The following PLEKHH2 variants were observed in gnomAD, a reference collection of about 807,000 sequenced individuals.
PLEKHH2 encodes the protein pleckstrin homology, MyTH4 and FERM domain containing H2, also known as pleckstrin homology domain-containing family H member 2.
PLEKHH2 carries 129 observed loss-of-function variants against 187.9 expected under a neutral mutation model. That is an observed-to-expected ratio of 0.69 (90% CI 0.59 to 0.79). The LOEUF (loss-of-function observed/expected upper bound fraction) is 0.79, where lower values mean the gene tolerates loss of function less well. Ranked by LOEUF, PLEKHH2 falls within the 30% of genes least tolerant of loss-of-function variation. The probability of loss-of-function intolerance (pLI) is 0.00; values close to 1 mark genes in which losing one functional copy is unlikely to be tolerated. For missense variants in PLEKHH2, 2,076 were observed against 1,751.2 expected (o/e 1.19, Z -3.31); for synonymous variants, 686 against 605.6 (o/e 1.13, Z -1.95).
At chr2:43,678,616 A>G (rs1028146042) in intron 2 of PLEKHH2, among the ~76,000 whole-genome samples, 89 of 152,190 alleles carry the variant, frequency 5.8e-4, no homozygotes, top group Non-Finnish European at 9.7e-4. Context: ...AGGCTGAGGC[A>G]GGAGAATCAG....
At chr2:43,649,802 A>G (rs1217602654) in intron 2 of PLEKHH2, among the ~76,000 whole-genome samples, 1 of 152,216 alleles carries the variant, frequency 6.6e-6, no homozygotes, top group African/African-American at 2.4e-5. Context: ...GGGAAAAGTC[A>G]GGAAGAGAGA....
At chr2:43,754,045 G>A (rs1485853610) in intron 25 of PLEKHH2, among the ~76,000 whole-genome samples, 1 of 139,772 alleles carries the variant, frequency 7.2e-6, no homozygotes, top group Non-Finnish European at 1.6e-5. Flanking sequence ...GTGTAGAGCT[G>A]TGGGCTTGAA....
chr2:43,757,093 T>G, intron 25 of PLEKHH2, 26 bp from the exon 26 acceptor site: 2 of 1,525,196 alleles, frequency 1.3e-6, no homozygotes, highest in Non-Finnish European at 8.8e-7. Context: ...TTCAATATAT[T>G]TTCACTTTTG....
At position 43,697,246 on chromosome 2, in the gene PLEKHH2, T is replaced by C; in HGVS notation, c.578T>C (p.Phe193Ser). ...SEGQRLSSLT[F>S]GCFLSRARSP... ...GGCCAGCGCCTGAGCAGTTTGACCT[T>C]TGGGTGCTTTTTATCTCGAGCAAGG... The change falls in exon 7 of 30, where the codon TTT (phenylalanine) becomes TCT (serine). Residue 193 changes from phenylalanine (F) to serine (S), a missense_variant. Transcript: ENST00000282406. 1 of 1,613,904 alleles carries C rather than the reference T, an allele frequency of 6.2e-7. No individual in the cohort carries two copies. The highest frequency in any genetic ancestry group is 1.1e-5 in the South Asian group (1 of 91,036).
intron 24 of PLEKHH2, among the ~76,000 whole-genome samples, chr2:43,748,958 T>C (rs1671894544): frequency 6.6e-6 from 1 of 152,206 alleles, no homozygotes; most frequent in Non-Finnish European, 1.5e-5. Flanking sequence ...GTTTTCACCA[T>C]GTTGGCCAGG....
chr2:43,707,702 T>C (rs901014610), intron 11 of PLEKHH2, among the ~76,000 whole-genome samples, 157 bp downstream of exon 11: 1 of 152,198 alleles, frequency 6.6e-6, no homozygotes, highest in Non-Finnish European at 1.5e-5. Context: ...TTTATATTCC[T>C]AATTCTCTTC....
intron 14 of PLEKHH2, chr2:43,711,337 G>A: frequency 2.0e-6 from 2 of 985,366 alleles, no homozygotes; most frequent in Non-Finnish European, 2.4e-6. Context: ...GGAAAGCTTT[G>A]TCTTTGGGCA....
At chr2:43,709,078 C>T (rs984650464) in intron 11 of PLEKHH2, among the ~76,000 whole-genome samples, 2 of 152,158 alleles carry the variant, frequency 1.3e-5, no homozygotes, top group Non-Finnish European at 2.9e-5. Context: ...TGAAATGTGG[C>T]TTGCAACTCC....
intron 2 of PLEKHH2, among the ~76,000 whole-genome samples, chr2:43,657,717 A>ATG (rs1471302122): frequency 6.6e-6 from 1 of 152,192 alleles, no homozygotes; most frequent in African/African-American, 2.4e-5. Flanking sequence ...TAAGTTTCAC[A>ATG]TGTAGTGCAC....
intron 15 of PLEKHH2, among the ~76,000 whole-genome samples, chr2:43,716,551 C>T (rs7583354): frequency 0.049 from 7,481 of 152,178 alleles, 346 homozygotes; most frequent in African/African-American, 0.12. Flanking sequence ...GAATATTTTT[C>T]TCTAACATCT....
At chr2:43,651,145 T>TTTCATTCATTCA (rs71410195) in intron 2 of PLEKHH2, among the ~76,000 whole-genome samples, 1 of 151,458 alleles carries the variant, frequency 6.6e-6, no homozygotes, top group African/African-American at 2.4e-5. Flanking sequence ...GTTAAAATCT[T>TTTCATTCATTCA]TTCATTCATT....
intron 21 of PLEKHH2, among the ~76,000 whole-genome samples, chr2:43,742,525 G>T (rs1462319155): frequency 3.9e-5 from 6 of 152,140 alleles, no homozygotes; most frequent in African/African-American, 1.4e-4. Context: ...GATGAAGAAT[G>T]CTTTGTGGGG....
chr2:43,762,952 T>A (rs1318839269), intron 28 of PLEKHH2, among the ~76,000 whole-genome samples: 1 of 152,210 alleles, frequency 6.6e-6, no homozygotes, highest in Admixed American at 6.5e-5. Context: ...TTTTGTTTAA[T>A]CTGGTGAGCA....
intron 6 of PLEKHH2, among the ~76,000 whole-genome samples, 194 bp downstream of exon 6, chr2:43,695,418 G>C (rs1669037444): frequency 6.6e-6 from 1 of 152,210 alleles, no homozygotes; most frequent in African/African-American, 2.4e-5. Context: ...AGGCAAAAAA[G>C]AGATGGAATT....
intron 1 of PLEKHH2, among the ~76,000 whole-genome samples, chr2:43,640,899 C>T (rs1193263457): frequency 6.6e-6 from 1 of 151,518 alleles, no homozygotes; most frequent in African/African-American, 2.4e-5. Context: ...ATCTTCCTGC[C>T]TCAACCCCCA....
chr2:43,706,224 T>A (rs1039942622), intron 9 of PLEKHH2, 98 bp from the exon 10 acceptor site: 45 of 862,600 alleles, frequency 5.2e-5, no homozygotes, highest in Admixed American at 1.0e-4. Context: ...TCGAATTGCT[T>A]TTTAAATGGA....
chr2:43,738,296 C>A, intron 19 of PLEKHH2, 45 bp from the exon 20 acceptor site: 4 of 1,465,586 alleles, frequency 2.7e-6, no homozygotes, highest in South Asian at 1.3e-5. Flanking sequence ...CAGAATAAAT[C>A]TAATCACTCC....
At chr2:43,649,307 G>T (rs1293121809) in intron 2 of PLEKHH2, among the ~76,000 whole-genome samples, 2 of 152,190 alleles carry the variant, frequency 1.3e-5, no homozygotes, top group African/African-American at 2.4e-5. Flanking sequence ...AAGTTTCTTT[G>T]TCAGTTGAAG....
chr2:43,750,629 C>G (rs971990156), intron 24 of PLEKHH2, among the ~76,000 whole-genome samples: 1 of 152,194 alleles, frequency 6.6e-6, no homozygotes, highest in Non-Finnish European at 1.5e-5. Context: ...TGCATTCTTA[C>G]ATAATCCTTA....
Sources: allele counts gnomAD v4.1 joint callset (sites outside exome capture counted in the v4.1 genomes callset), GRCh38; gene constraint gnomAD v4.1.1; transcripts MANE v1.5; gene names NCBI Gene and HGNC (gene_info 2026-07-23, HGNC 2026-07-21).